SMYD3: variants seen among roughly 807,000 people sequenced by gnomAD.
SMYD3 encodes the protein histone-lysine N-methyltransferase SMYD3.
Under a neutral mutation model 57.7 loss-of-function variants are expected in SMYD3, and 36 were observed. That is an observed-to-expected ratio of 0.62 (90% CI 0.48 to 0.82). The LOEUF (loss-of-function observed/expected upper bound fraction) is 0.82, where lower values mean the gene tolerates loss of function less well. Among genes scored for constraint, SMYD3 ranks in the 40% least tolerant of loss-of-function variants. The pLI is 0.00. For synonymous variants in SMYD3, 211 were observed against 195.0 expected, an observed-to-expected ratio of 1.08 and a Z score of -0.68; for missense variants, 515 against 538.8, an observed-to-expected ratio of 0.96 and a Z score of 0.44.
intron 1 of SMYD3, among the ~76,000 whole-genome samples, chr1:246,365,594 G>A (rs947310269): frequency 4.0e-5 from 6 of 151,272 alleles, no homozygotes; most frequent in African/African-American, 1.5e-4. Flanking sequence ...TGGCAGTGAT[G>A]TAATTTTTTA....
At chr1:246,385,816 C>A (rs2066467817) in intron 1 of SMYD3, among the ~76,000 whole-genome samples, 1 of 152,204 alleles carries the variant, frequency 6.6e-6, no homozygotes, top group South Asian at 2.1e-4. Flanking sequence ...TGGGGCTTTT[C>A]TGCACTTGTA....
At chr1:246,026,537 T>G (rs533914398) in intron 5 of SMYD3, among the ~76,000 whole-genome samples, 1 of 152,380 alleles carries the variant, frequency 6.6e-6, no homozygotes, top group African/African-American at 2.4e-5. Flanking sequence ...TGTCACATTT[T>G]GGTAATTCTC....
intron 5 of SMYD3, among the ~76,000 whole-genome samples, chr1:246,140,622 A>G (rs2061738791): frequency 6.6e-6 from 1 of 151,952 alleles, no homozygotes; most frequent in African/African-American, 2.4e-5. Context: ...TTTATTTATT[A>G]TTTTTTAGAG....
chr1:246,328,381 C>T (rs2065393388), intron 4 of SMYD3, among the ~76,000 whole-genome samples: 1 of 152,140 alleles, frequency 6.6e-6, no homozygotes, highest in Admixed American at 6.5e-5. Context: ...CATGTGAGAG[C>T]ATTTCACTTA....
rs574483271 is a variant in SMYD3 at position 246,460,676 on chromosome 1, T to C, written c.164+46378A>G. Among the ~76,000 whole-genome samples, 11 of 152,308 alleles carry C rather than the reference T, an allele frequency of 7.2e-5. No individual in the cohort carries two copies. The South Asian group carries it at 2.3e-3, about 32-fold the overall frequency. On this transcript the variant is annotated intron_variant, in intron 1 of 11. Transcript: ENST00000490107. ...TGCCTTAGAAAATCCTTTAGTGTTT[T>C]AATAAAAAATAATTTCAATTGGTGT...
At position 245,858,638 on chromosome 1, in the gene SMYD3, T is replaced by C. The variant is rs1241937474; in HGVS notation, c.934A>G (p.Ile312Val). 6.2e-7 allele frequency: 1 copy of C among 1,614,228 alleles called. No homozygotes were observed. The highest frequency in any genetic ancestry group is 8.5e-7 in the Non-Finnish European group (1 of 1,180,038). The change falls in exon 10 of 12, where the codon ATC becomes GTC. Residue 312 changes from isoleucine to valine, a missense_variant. Physicochemically the swap from Ile to Val is conservative, Grantham distance 29 (BLOSUM62 3). Coordinates refer to ENST00000490107, the MANE Select transcript of SMYD3 (RefSeq NM_001167740.2). The part of the protein sequence containing the change: ...WEQVLAMCQA[I>V]ISSNSERLPD... ...AGCCGTTCAGAATTGCTGCTTATGATTGCCTGGCACATGGCCAGAACCTGC... is the reference window on the plus strand; with the variant it reads ...AGCCGTTCAGAATTGCTGCTTATGACTGCCTGGCACATGGCCAGAACCTGC...
chr1:246,148,129 C>T (rs536933310), intron 5 of SMYD3, among the ~76,000 whole-genome samples: 13 of 152,230 alleles, frequency 8.5e-5, no homozygotes, highest in African/African-American at 2.2e-4. Context: ...AGTCCGGGAC[C>T]GGAGTGGGGA....
intron 8 of SMYD3, among the ~76,000 whole-genome samples, chr1:245,864,660 G>T (rs1250843240): frequency 6.6e-6 from 1 of 152,154 alleles, no homozygotes; most frequent in Non-Finnish European, 1.5e-5. Flanking sequence ...TTCTTCTGGG[G>T]TGATAAAAAT....
chr1:246,479,865 G>C (rs952832839), intron 1 of SMYD3, among the ~76,000 whole-genome samples: 1 of 152,072 alleles, frequency 6.6e-6, no homozygotes, highest in Non-Finnish European at 1.5e-5. Context: ...ACCAACAACA[G>C]TGGCTGGCAC....
chr1:246,413,592 C>A (rs1465428531), intron 1 of SMYD3, among the ~76,000 whole-genome samples: 2 of 152,070 alleles, frequency 1.3e-5, no homozygotes, highest in East Asian at 1.9e-4. Flanking sequence ...GAGGATCTCT[C>A]GTGGCCCAGT....
intron 5 of SMYD3, among the ~76,000 whole-genome samples, chr1:245,993,611 TAGATAGATAGATAGATAGATAGACAGAC>T (rs1310613115): frequency 1.5e-5 from 1 of 68,380 alleles, no homozygotes; most frequent in African/African-American, 3.8e-5. Flanking sequence ...GATAGATAGA[TAGATAGATAGATAGATAGATAGACAGAC>T]AGACAGACAG....
chr1:245,920,312 CAAAAAAAA>C (rs142636842), intron 7 of SMYD3, among the ~76,000 whole-genome samples: 6 of 82,250 alleles, frequency 7.3e-5, no homozygotes, highest in African/African-American at 8.8e-5. Flanking sequence ...GACTCCGTCT[CAAAAAAAA>C]AAAAAAAAAA....
At chr1:246,379,081 T>TACACACACACACACACACAC (rs34560740) in intron 1 of SMYD3, among the ~76,000 whole-genome samples, 2 of 130,518 alleles carry the variant, frequency 1.5e-5, no homozygotes, top group African/African-American at 5.6e-5. Flanking sequence ...CACACATACA[T>TACACACACACACACACACAC]ACACACACAC....
intron 1 of SMYD3, among the ~76,000 whole-genome samples, chr1:246,392,090 C>T (rs917133907): frequency 2.0e-5 from 3 of 152,164 alleles, no homozygotes; most frequent in Admixed American, 6.5e-5. Context: ...TTTGAATTTC[C>T]CTCCAGACTT....
At chr1:246,449,737 G>T (rs7518504) in intron 1 of SMYD3, among the ~76,000 whole-genome samples, 1 of 137,402 alleles carries the variant, frequency 7.3e-6, no homozygotes, top group Non-Finnish European at 1.6e-5. Flanking sequence ...AAAGGACACC[G>T]TGCCTGACAC....
At chr1:246,239,587 C>T (rs374523179) in intron 5 of SMYD3, among the ~76,000 whole-genome samples, 2 of 152,168 alleles carry the variant, frequency 1.3e-5, no homozygotes, top group Non-Finnish European at 2.9e-5. Flanking sequence ...ATGATTTATA[C>T]TCCTTTGGGT....
chr1:245,863,714 C>A lies in SMYD3; in HGVS notation c.901+85G>T, dbSNP rs545094040. 17 of 1,268,684 alleles carry A rather than the reference C, an allele frequency of 1.3e-5. No homozygotes were observed. The African/African-American group carries it at 2.1e-4, about 15-fold the overall frequency. 78.6% of individuals were successfully genotyped at this position (1,268,684 alleles called of 1,614,324 possible). Reference sequence around the variant, plus strand: ...ACTGGCTCATGGAGAGGTCAAACCCCGCCTCTGACCTCATTACGACAGGGC... The same window carrying A: ...ACTGGCTCATGGAGAGGTCAAACCCAGCCTCTGACCTCATTACGACAGGGC... On this transcript the variant is annotated intron_variant, in intron 9 of 11. Transcript: ENST00000490107.
chr1:246,231,366 TA>T (rs1312962037), intron 5 of SMYD3, among the ~76,000 whole-genome samples: 2 of 152,214 alleles, frequency 1.3e-5, no homozygotes, highest in Non-Finnish European at 2.9e-5. Flanking sequence ...GCAATAGATC[TA>T]TTTAATAAAA....
chr1:246,313,787 T>C (rs949945966), intron 5 of SMYD3, among the ~76,000 whole-genome samples: 3 of 152,216 alleles, frequency 2.0e-5, no homozygotes, highest in Non-Finnish European at 4.4e-5. Flanking sequence ...CCAAAGAGTA[T>C]TTTCTTATAC....
Sources: allele counts gnomAD v4.1 joint callset (sites outside exome capture counted in the v4.1 genomes callset), GRCh38; gene constraint gnomAD v4.1.1; transcripts MANE v1.5; gene names NCBI Gene and HGNC (gene_info 2026-07-23, HGNC 2026-07-21).